Variants in MROH7 observed in about 807,000 individuals in gnomAD.
MROH7 encodes the protein maestro heat like repeat family member 7.
In MROH7, 113 loss-of-function variants were observed where a neutral mutation model predicts 129.2. That is an observed-to-expected ratio of 0.87 (90% CI 0.75 to 1.02). The LOEUF (loss-of-function observed/expected upper bound fraction) is 1.02. MROH7 is among the 50% of genes least tolerant of loss of function. MROH7 has a pLI of 0.00. For missense variants in MROH7, 1,601 were observed against 1,671.3 expected, an observed-to-expected ratio of 0.96 and a Z score of 0.73; for synonymous variants, 655 against 667.9, an observed-to-expected ratio of 0.98 and a Z score of 0.30.
At chr1:54,706,124 C>T (rs2101241642) in intron 21 of MROH7, among the ~76,000 whole-genome samples, 1 of 152,294 alleles carries the variant, frequency 6.6e-6, no homozygotes, top group Middle Eastern at 3.4e-3. Context: ...GTCAAACTGT[C>T]TCCTTACCTA....
rs201968101 is a variant in MROH7, at chr1:54,674,152, G to A, written c.1936+1G>A. ...TACACTATTCTGGAGCTCCAAAAAC[G>A]TAAGCCCTATCGGAGTACTTCTGAA... On this transcript the variant is annotated splice_donor_variant, in intron 10 of 23. Transcript: ENST00000421030. LOFTEE classifies it high-confidence loss of function. The A allele has an allele frequency of 2.4e-5, 38 of 1,612,714 alleles. No homozygotes were observed. In the African/African-American group the frequency reaches 2.8e-4, roughly 12 times the overall value.
intron 21 of MROH7, 126 bp downstream of exon 21, chr1:54,702,871 C>T: frequency 8.4e-7 from 1 of 1,189,704 alleles, no homozygotes; most frequent in Non-Finnish European, 1.2e-6. Context: ...GTTGTTGGTT[C>T]TGGAACGTTC....
intron 10 of MROH7, among the ~76,000 whole-genome samples, chr1:54,675,109 G>A (rs1200344029): frequency 2.6e-5 from 4 of 152,148 alleles, no homozygotes; most frequent in East Asian, 1.9e-4. Context: ...CCCAGTAGCT[G>A]GGATTACAGG....
At chr1:54,699,159 T>TTTCTTTCTTTCCTTTCTTTCTTTCTTTC (rs71048705) in intron 17 of MROH7, 4 of 65,920 alleles carry the variant, frequency 6.1e-5, no homozygotes, top group African/African-American at 2.3e-4. Flanking sequence ...TCTTTCTTTC[T>TTTCTTTCTTTCCTTTCTTTCTTTCTTTC]TTTCTTTCTT....
chr1:54,676,358 C>T (rs550114020), intron 10 of MROH7, among the ~76,000 whole-genome samples: 108 of 152,188 alleles, frequency 7.1e-4, no homozygotes, highest in African/African-American at 2.5e-3. Context: ...CCACCTCAGC[C>T]TCCAGAGTAG....
chr1:54,677,072 C>T (rs775036725), intron 10 of MROH7, among the ~76,000 whole-genome samples: 16 of 151,920 alleles, frequency 1.1e-4, no homozygotes, highest in Non-Finnish European at 1.2e-4. Context: ...AACTCCTGGG[C>T]GCAAGTGAAC....
At chr1:54,705,573 C>T (rs938320556) in intron 21 of MROH7, among the ~76,000 whole-genome samples, 1 of 152,116 alleles carries the variant, frequency 6.6e-6, no homozygotes, top group African/African-American at 2.4e-5. Flanking sequence ...TGAGCTGAGG[C>T]TTAAAGGATG....
At chr1:54,655,447 T>C (rs1644629248) in intron 3 of MROH7, among the ~76,000 whole-genome samples, 1 of 152,016 alleles carries the variant, frequency 6.6e-6, no homozygotes, top group Non-Finnish European at 1.5e-5. Context: ...CATAGCTCCT[T>C]GCAACTTTGA....
chr1:54,682,875 C>T (rs1297655184), intron 14 of MROH7, 81 bp downstream of exon 14: 4 of 1,509,398 alleles, frequency 2.7e-6, no homozygotes, highest in Non-Finnish European at 3.6e-6. Flanking sequence ...CTAAGCACAC[C>T]CGGCCTCGAG....
chr1:54,697,596 T>C (rs1645343891), intron 17 of MROH7: 2 of 686,478 alleles, frequency 2.9e-6, no homozygotes, highest in African/African-American at 1.8e-5. Flanking sequence ...ACAGGCCTAC[T>C]ATGTGCCAAA....
intron 11 of MROH7, 35 bp downstream of exon 11, chr1:54,678,889 G>T (rs1178570009): frequency 1.3e-6 from 2 of 1,531,308 alleles, no homozygotes; most frequent in South Asian, 1.1e-5. Context: ...AGCGGAGGGT[G>T]GGGGGTGAGG....
chr1:54,653,395 T>C lies in MROH7; in HGVS notation c.469T>C (p.Ser157Pro). The change falls in exon 3 of 24, where the codon TCA (serine) becomes CCA (proline). Residue 157 changes from serine to proline, a missense_variant. By Grantham distance (74) the Ser-to-Pro change is moderately conservative. Transcript: ENST00000421030. ...TTCTGAAGATGCCTTCAAGTGCCTCTCAAGTAAGATTTTCAAGTTGGGTCA... is the reference window on the plus strand; with the variant it reads ...TTCTGAAGATGCCTTCAAGTGCCTCCCAAGTAAGATTTTCAAGTTGGGTCA... ...SNSEDAFKCL[S>P]SKIFKLGQRN... 3.1e-6 allele frequency: 5 copies of C among 1,614,180 alleles called. No individual in the cohort carries two copies. In the South Asian group the frequency reaches 5.5e-5, roughly 18 times the overall value.
At chr1:54,693,386 G>A (rs941262124) in intron 16 of MROH7, among the ~76,000 whole-genome samples, 4 of 152,262 alleles carry the variant, frequency 2.6e-5, no homozygotes, top group African/African-American at 4.8e-5. Flanking sequence ...GGAGGTGGAG[G>A]TTGCTGTGAG....
rs371005007 is a variant in MROH7, at chr1:54,686,390, G to A, written c.2653G>A (p.Val885Met). 190 of 1,613,980 alleles carry A rather than the reference G, an allele frequency of 1.2e-4. No homozygotes were observed. The highest frequency in any genetic ancestry group is 2.7e-5 in the African/African-American group (2 of 74,902). The part of the protein sequence containing the change: ...YHIGLNLPGC[V>M]APPKDTKKGA... ...CATCGGCCTCAACCTGCCTGGCTGC[G>A]TGGCTCCTCCCAAGGACACCAAGAA... Residue 885 changes from valine (V) to methionine (M), a missense_variant, in exon 15 of 24, where the codon GTG becomes ATG. By Grantham distance (21) the Val-to-Met change is conservative. Transcript: ENST00000421030.
intron 4 of MROH7, among the ~76,000 whole-genome samples, chr1:54,668,311 T>A (rs1218933808): frequency 6.6e-6 from 1 of 152,244 alleles, no homozygotes; most frequent in Non-Finnish European, 1.5e-5. Flanking sequence ...CTTGCAGCCA[T>A]TTTCAATATG....
chr1:54,674,988 T>C (rs1644959050), intron 10 of MROH7, among the ~76,000 whole-genome samples: 1 of 152,170 alleles, frequency 6.6e-6, no homozygotes, highest in Non-Finnish European at 1.5e-5. Context: ...ATTCATGCTT[T>C]TTTTTTTGAC....
chr1:54,644,024 T>C (rs753331293), intron 1 of MROH7, among the ~76,000 whole-genome samples: 1 of 152,156 alleles, frequency 6.6e-6, no homozygotes, highest in African/African-American at 2.4e-5. Flanking sequence ...TCATGATGTG[T>C]TTTGGCATGG....
chr1:54,645,387 C>A (rs930464456), intron 1 of MROH7, among the ~76,000 whole-genome samples: 5 of 151,974 alleles, frequency 3.3e-5, no homozygotes, highest in African/African-American at 1.2e-4. Flanking sequence ...TCAAGTGATT[C>A]TCCTGCCCAA....
chr1:54,655,631 C>T (rs542271585), intron 3 of MROH7, among the ~76,000 whole-genome samples: 9 of 152,114 alleles, frequency 5.9e-5, no homozygotes, highest in Admixed American at 3.9e-4. Context: ...CCTCCCACCT[C>T]GTCCTCCCAG....
Sources: gnomAD v4.1 joint callset for allele counts (sites outside exome capture counted in the v4.1 genomes callset) on GRCh38, gnomAD v4.1.1 for gene constraint, MANE v1.5 for transcripts, NCBI Gene and HGNC (gene_info 2026-07-23, HGNC 2026-07-21) for gene names.